Variants in ROBO2 observed in about 807,000 individuals in gnomAD.
The protein encoded by ROBO2 is roundabout homolog 2.
In ROBO2, 53 loss-of-function variants were observed where a neutral mutation model predicts 160.8. The ratio of observed to expected loss-of-function variants is 0.33; its 90% CI spans 0.26 to 0.41. The LOEUF (loss-of-function observed/expected upper bound fraction) is 0.41, where lower values mean the gene tolerates loss of function less well. Among genes scored for constraint, ROBO2 ranks in the 10% least tolerant of loss-of-function variants. The pLI is 1.00. For missense variants in ROBO2, 1,577 were observed against 1,722.4 expected (o/e 0.92, Z 1.49); for synonymous variants, 664 against 611.7 (o/e 1.09, Z -1.26).
intron 2 of ROBO2, among the ~76,000 whole-genome samples, chr3:77,246,712 A>C (rs2089772986): frequency 6.6e-6 from 1 of 152,232 alleles, no homozygotes; most frequent in Admixed American, 6.5e-5. Flanking sequence ...TATACTGTAC[A>C]GATTACCTAA....
intron 2 of ROBO2, among the ~76,000 whole-genome samples, chr3:77,232,580 T>C (rs997379462): frequency 3.9e-5 from 6 of 152,142 alleles, no homozygotes; most frequent in African/African-American, 1.4e-4. Flanking sequence ...AAAATGCGGA[T>C]ATTGTGACAC....
At position 76,037,074 on chromosome 3, in the gene ROBO2, T is replaced by C. The variant is rs114276013; in HGVS notation, c.109+99472T>C. Among the ~76,000 whole-genome samples, 653 of 152,036 alleles carry C rather than the reference T, an allele frequency of 4.3e-3. 3 individuals carry two copies. Among genetic ancestry groups the C allele is most frequent in the Admixed American group, 6.8e-3 (104 of 15,286 alleles). On this transcript the variant is annotated intron_variant, in intron 2 of 26. Transcript: ENST00000487694. ...GATTTTCTTCTGCCCTTAAGTACTA[T>C]ATGCTCATCCATCTCCATTGTATAT...
At chr3:76,400,510 A>G (rs189044100) in intron 2 of ROBO2, among the ~76,000 whole-genome samples, 4 of 151,694 alleles carry the variant, frequency 2.6e-5, no homozygotes, top group Admixed American at 1.3e-4. Flanking sequence ...CTGAAATACA[A>G]TTACTACAAA....
intron 5 of ROBO2, among the ~76,000 whole-genome samples, chr3:77,499,200 A>T (rs539659687): frequency 6.6e-6 from 1 of 152,200 alleles, no homozygotes; most frequent in African/African-American, 2.4e-5. Flanking sequence ...TAGTTTATTT[A>T]CACTGCCGTT....
chr3:76,173,066 G>T (rs550662833), intron 2 of ROBO2, among the ~76,000 whole-genome samples: 5 of 151,860 alleles, frequency 3.3e-5, no homozygotes, highest in Non-Finnish European at 7.4e-5. Flanking sequence ...ACCACATGGC[G>T]TAAGGTGATG....
chr3:77,084,010 G>A (rs1427808284), intron 1 of ROBO2, among the ~76,000 whole-genome samples: 1 of 152,100 alleles, frequency 6.6e-6, no homozygotes, highest in African/African-American at 2.4e-5. Context: ...TATCTTCATT[G>A]AAGGGAAGAG....
chr3:77,226,656 G>T (rs1345201900), intron 2 of ROBO2, among the ~76,000 whole-genome samples: 1 of 152,056 alleles, frequency 6.6e-6, no homozygotes, highest in Non-Finnish European at 1.5e-5. Context: ...TGGAAATATT[G>T]TAAGTCAAAA....
At chr3:76,992,331 A>G in intron 2 of ROBO2, among the ~76,000 whole-genome samples, 1 of 19,778 alleles carries the variant, frequency 5.1e-5, no homozygotes, top group African/African-American at 3.2e-4. Flanking sequence ...ATTACTATAT[A>G]TATATATATA....
At chr3:76,018,406 T>A (rs1351607633) in intron 2 of ROBO2, among the ~76,000 whole-genome samples, 2 of 151,890 alleles carry the variant, frequency 1.3e-5, no homozygotes, top group Non-Finnish European at 2.9e-5. Flanking sequence ...TTTGTTAATC[T>A]TTTTGTTTTA....
In ROBO2 at chr3:77,075,672, C is replaced by CTTTTTTTTT. The variant is rs1174587812; in HGVS notation, c.62-22327_62-22319dup. Among the ~76,000 whole-genome samples the CTTTTTTTTT allele has an allele frequency of 1.4e-3, 124 of 87,246 alleles. 2 individuals carry two copies. Among genetic ancestry groups the CTTTTTTTTT allele is most frequent in the East Asian group, 2.2e-3 (5 of 2,292 alleles). The allele number at this position is 87,246 out of a possible 152,430, so 57.2% of individuals were successfully genotyped here. ...ATACACTACTATTTCTTTCTTTCTC[C>CTTTTTTTTT]TTTTTTTTTTTTTTTTTTTTTTTGA... On this transcript the variant is annotated intron_variant, in intron 1 of 25. Coordinates refer to ENST00000461745, the Ensembl canonical transcript of ROBO2.
At chr3:77,077,761 T>C (rs1212676856) in intron 1 of ROBO2, among the ~76,000 whole-genome samples, 1 of 152,238 alleles carries the variant, frequency 6.6e-6, no homozygotes, top group Admixed American at 6.5e-5. Flanking sequence ...GTCTGCTCTT[T>C]GCTGTAACAG....
chr3:76,021,713 A>C (rs2066580046), intron 2 of ROBO2, among the ~76,000 whole-genome samples: 1 of 151,794 alleles, frequency 6.6e-6, no homozygotes, highest in African/African-American at 2.4e-5. Context: ...ATTTTAATAT[A>C]CGTTATTGCT....
At chr3:76,614,913 G>A (rs1377617001) in intron 2 of ROBO2, among the ~76,000 whole-genome samples, 1 of 152,114 alleles carries the variant, frequency 6.6e-6, no homozygotes, top group Non-Finnish European at 1.5e-5. Context: ...GTAAATGCAA[G>A]TGAAAGCAAG....
intron 1 of ROBO2, 34 bp downstream of exon 1, chr3:77,040,880 C>G (rs1409917783): frequency 6.2e-7 from 1 of 1,605,028 alleles, no homozygotes; most frequent in South Asian, 1.1e-5. Flanking sequence ...TTTTTTGCGC[C>G]CCCCACCCCC....
intron 2 of ROBO2, among the ~76,000 whole-genome samples, chr3:76,660,267 A>G (rs1200498302): frequency 1.3e-5 from 2 of 152,224 alleles, no homozygotes; most frequent in African/African-American, 4.8e-5. Flanking sequence ...GCAAGAGATT[A>G]GAAATGTTAA....
intron 2 of ROBO2, among the ~76,000 whole-genome samples, chr3:77,258,431 A>G (rs925524769): frequency 6.6e-6 from 1 of 152,066 alleles, no homozygotes; most frequent in Non-Finnish European, 1.5e-5. Flanking sequence ...AATTATACTC[A>G]TTTTTGTCAG....
chr3:76,766,107 T>C (rs946029351), intron 2 of ROBO2, among the ~76,000 whole-genome samples: 2 of 151,724 alleles, frequency 1.3e-5, no homozygotes, highest in Non-Finnish European at 1.5e-5. Context: ...GTCATTGTTA[T>C]TGTGCCTGAA....
chr3:76,344,372 T>C (rs2074400182), intron 2 of ROBO2, among the ~76,000 whole-genome samples: 1 of 152,270 alleles, frequency 6.6e-6, no homozygotes, highest in African/African-American at 2.4e-5. Context: ...CTGCTTAAAG[T>C]ATGAGAAAAA....
chr3:77,115,575 A>C (rs1431106801), intron 2 of ROBO2, among the ~76,000 whole-genome samples: 1 of 152,214 alleles, frequency 6.6e-6, no homozygotes, highest in Non-Finnish European at 1.5e-5. Flanking sequence ...CAAATACAAT[A>C]AGCCTCACAT....
Sources: gnomAD v4.1 joint callset for allele counts (sites outside exome capture counted in the v4.1 genomes callset) on GRCh38, gnomAD v4.1.1 for gene constraint, MANE v1.5 for transcripts, NCBI Gene and HGNC (gene_info 2026-07-23, HGNC 2026-07-21) for gene names.